HSPA14: variants seen among roughly 807,000 people sequenced by gnomAD.
The protein encoded by HSPA14 is heat shock 70 kDa protein 14.
Under a neutral mutation model 65.5 loss-of-function variants are expected in HSPA14, and 37 were observed. That is an observed-to-expected ratio of 0.56 (90% CI 0.43 to 0.74). The LOEUF (loss-of-function observed/expected upper bound fraction) is 0.74. HSPA14 is among the 30% of genes least tolerant of loss of function. The probability of loss-of-function intolerance (pLI) is 0.00; values close to 1 mark genes in which losing one functional copy is unlikely to be tolerated. For missense variants in HSPA14, 564 were observed against 607.6 expected, an observed-to-expected ratio of 0.93 and a Z score of 0.75; for synonymous variants, 203 against 214.2, an observed-to-expected ratio of 0.95 and a Z score of 0.46.
chr10:14,861,884 C>T (rs1202033575), intron 10 of HSPA14, among the ~76,000 whole-genome samples: 9 of 151,486 alleles, frequency 5.9e-5, no homozygotes, highest in African/African-American at 1.2e-4. Flanking sequence ...TGATGGTGCG[C>T]GCCTGTAGTC....
rs1437940175 is a variant in HSPA14, at chr10:14,848,828, T to C, written c.309T>C (p.Asp103=). The part of the protein sequence containing the change: ...EKNGKLRYEI[D]TGEETKFVNP... The stretch of plus-strand genomic sequence containing the variant: ...ATGGGAAATTACGATATGAAATAGA[T>C]ACTGGAGAAGAAACAAAATTTGTTA... Residue 103 remains aspartate, a synonymous_variant, in exon 5 of 14, where the codon GAT becomes GAC. Coordinates refer to ENST00000378372, the MANE Select transcript of HSPA14 (RefSeq NM_016299.4). 4 of 1,592,718 alleles carry C rather than the reference T, an allele frequency of 2.5e-6. No homozygotes were observed. The highest frequency in any genetic ancestry group is 3.4e-6 in the Non-Finnish European group (4 of 1,164,432).
chr10:14,838,334 G>A lies in HSPA14; in HGVS notation c.-69G>A, dbSNP rs975454454. ...AAGCTCCGCGGTGCCTGATGGGGCCGTTGGGCGGCCGGTAGCTGTTGCTGT... is the reference window on the plus strand; with the variant it reads ...AAGCTCCGCGGTGCCTGATGGGGCCATTGGGCGGCCGGTAGCTGTTGCTGT... On this transcript the variant is annotated 5_prime_UTR_variant, in exon 1 of 14. Coordinates refer to ENST00000378372, the MANE Select transcript of HSPA14 (RefSeq NM_016299.4). The A allele has an allele frequency of 7.4e-6, 11 of 1,492,648 alleles. No homozygotes were observed. The highest frequency in any genetic ancestry group is 5.8e-5 in the Admixed American group (3 of 51,354). The allele number at this position is 1,492,648 out of a possible 1,614,324, so 92.5% of individuals were successfully genotyped here. A position where few individuals can be genotyped will look rare whatever the true frequency, so the allele number is the denominator to read the frequency against.
chr10:14,840,041 A>AAC, intron 2 of HSPA14, 34 bp from the exon 3 acceptor site: 2 of 1,194,512 alleles, frequency 1.7e-6, no homozygotes, highest in Non-Finnish European at 2.3e-6. Flanking sequence ...CATACATTGT[A>AAC]ATATATATAT....
Position 14,871,708 on chromosome 10 carries a change from A to G in HSPA14, c.*102A>G, listed in dbSNP as rs1832856176. On this transcript the variant is annotated 3_prime_UTR_variant, in exon 14 of 14. Transcript: ENST00000378372. ...AAATACTTTTTCAATGAACTGTATA[A>G]ACTATGTTTTATTAAACTACAATAT... 1.7e-6 allele frequency: 1 copy of G among 590,970 alleles called. No homozygotes were observed. Among genetic ancestry groups the G allele is most frequent in the African/African-American group, 1.9e-5 (1 of 51,680 alleles). The allele number at this position is 590,970 out of a possible 1,614,324, so 36.6% of individuals were successfully genotyped here.
intron 9 of HSPA14, among the ~76,000 whole-genome samples, chr10:14,855,176 C>CA (rs1022363167): frequency 6.6e-6 from 1 of 152,032 alleles, no homozygotes; most frequent in Non-Finnish European, 1.5e-5. Flanking sequence ...GCCTTTGTCA[C>CA]AAAGATTTCA....
chr10:14,842,586 G>A lies in HSPA14; in HGVS notation c.221+2429G>A, dbSNP rs1031806095. 2.1e-5 allele frequency: 33 copies of A among 1,536,146 alleles called. No homozygotes were observed. In the East Asian group the frequency reaches 3.2e-4, roughly 15 times the overall value. On this transcript the variant is annotated intron_variant, in intron 3 of 13. Coordinates refer to ENST00000378372, the MANE Select transcript of HSPA14 (RefSeq NM_016299.4). This position sits in a 1 kb window ranked among gnomAD's most constrained non-coding sequence, Gnocchi z 5.2. ...TATGATACGTTGGATCAGCTTCTCC[G>A]AAATCAGATAGTGACTGACCCAGAC...
Position 14,843,230 on chromosome 10 carries a change from A to G in HSPA14, c.221+3073A>G. On this transcript the variant is annotated intron_variant, in intron 3 of 13. Coordinates refer to ENST00000378372, the MANE Select transcript of HSPA14 (RefSeq NM_016299.4). ...GGTCACAATTGTCCAGATTAAGGAA[A>G]TGGATTCTTCCCAGTCCCTGGTGGA... is the stretch of plus-strand genomic sequence containing the variant. The G allele has an allele frequency of 3.8e-6, 4 of 1,056,984 alleles. No individual in the cohort carries two copies. The South Asian group carries it at 4.6e-5, about 12-fold the overall frequency. 65.5% of individuals were successfully genotyped at this position (1,056,984 alleles called of 1,614,324 possible). A position where few individuals can be genotyped will look rare whatever the true frequency, so the allele number is the denominator to read the frequency against.
At chr10:14,843,100 TTAA>T (rs375683378) in intron 3 of HSPA14, among the ~76,000 whole-genome samples, 1 of 152,224 alleles carries the variant, frequency 6.6e-6, no homozygotes, top group African/African-American at 2.4e-5. Context: ...TCTGGCATTA[TTAA>T]TAACTGGTAG....
At chr10:14,864,480 C>A (rs999412171) in intron 10 of HSPA14, among the ~76,000 whole-genome samples, 4 of 151,936 alleles carry the variant, frequency 2.6e-5, no homozygotes, top group Admixed American at 1.3e-4. Context: ...ATCCCTCCCC[C>A]CTACCCCCAC....
At chr10:14,861,152 A>G (rs1311079846) in intron 10 of HSPA14, among the ~76,000 whole-genome samples, 1 of 152,092 alleles carries the variant, frequency 6.6e-6, no homozygotes, top group Non-Finnish European at 1.5e-5. Flanking sequence ...CAGGTTTAAT[A>G]TTGAATTGAT....
intron 10 of HSPA14, 46 bp from the exon 11 acceptor site, chr10:14,867,037 G>T (rs766510151): frequency 7.3e-7 from 1 of 1,369,570 alleles, no homozygotes; most frequent in Non-Finnish European, 1.0e-6. Flanking sequence ...TTGAGACACA[G>T]CATTCTTCTA....
intron 3 of HSPA14, chr10:14,847,023 GTGA>G (rs1834064423): frequency 2.0e-6 from 2 of 985,366 alleles, no homozygotes; most frequent in South Asian, 4.7e-5. Flanking sequence ...CCACTACTTT[GTGA>G]TGATGTCTGT....
At position 14,871,637 on chromosome 10, in the gene HSPA14, C is replaced by G. The variant is rs751457949; in HGVS notation, c.*31C>G. The G allele has an allele frequency of 1.7e-6, 2 of 1,167,862 alleles. No individual in the cohort carries two copies. Among genetic ancestry groups the G allele is most frequent in the East Asian group, 2.4e-5 (1 of 42,358 alleles). The allele number at this position is 1,167,862 out of a possible 1,614,324, so 72.3% of individuals were successfully genotyped here. The stretch of plus-strand genomic sequence containing the variant: ...TAGAGAAATCAAGAATTTTTAAAAA[C>G]AAGAATATCAACATTTGGTTTTGTG... On this transcript the variant is annotated 3_prime_UTR_variant, in exon 14 of 14. Transcript: ENST00000378372.
intron 8 of HSPA14, 146 bp from the exon 9 acceptor site, chr10:14,853,979 C>G: frequency 1.6e-6 from 1 of 640,842 alleles, no homozygotes; most frequent in South Asian, 2.6e-5. Flanking sequence ...CTCAGCCTCC[C>G]AAAGTTGGGA....
chr10:14,840,546 A>G (rs1200477929), intron 3 of HSPA14, among the ~76,000 whole-genome samples: 3 of 152,218 alleles, frequency 2.0e-5, no homozygotes, highest in Non-Finnish European at 4.4e-5. Flanking sequence ...TGTAGACACT[A>G]TTGATTTTCT....
intron 10 of HSPA14, among the ~76,000 whole-genome samples, chr10:14,861,975 G>A (rs1832753442): frequency 6.7e-6 from 1 of 150,186 alleles, no homozygotes; most frequent in African/African-American, 2.4e-5. Context: ...TCACGCCATT[G>A]CACTCCAGCC....
chr10:14,842,874 G>A lies in HSPA14; in HGVS notation c.221+2717G>A, dbSNP rs1488122887. 2.1e-6 allele frequency: 3 copies of A among 1,428,950 alleles called. No individual in the cohort carries two copies. Among genetic ancestry groups the A allele is most frequent in the Admixed American group, 4.4e-5 (2 of 45,704 alleles). The allele number at this position is 1,428,950 out of a possible 1,614,324, so 88.5% of individuals were successfully genotyped here. A position where few individuals can be genotyped will look rare whatever the true frequency, so the allele number is the denominator to read the frequency against. ...AACTCCCAAGCATGTGAAGGAGTTG[G>A]GTCCCAGAGTCTTGTGGCTCTAAAC... On this transcript the variant is annotated intron_variant, in intron 3 of 13. Transcript: ENST00000378372. This position sits in a 1 kb window ranked among gnomAD's most constrained non-coding sequence, Gnocchi z 5.2.
At chr10:14,850,504 C>T (rs925952453) in intron 6 of HSPA14, among the ~76,000 whole-genome samples, 2 of 152,200 alleles carry the variant, frequency 1.3e-5, no homozygotes, top group Non-Finnish European at 1.5e-5. Flanking sequence ...TTTTACAGGT[C>T]ATTATGCAAA....
chr10:14,848,771 A>G lies in HSPA14; in HGVS notation c.271-19A>G. On this transcript the variant is annotated intron_variant, in intron 4 of 13. Transcript: ENST00000378372. ...TATTAAAAATTATTTATTTAGCATA[A>G]TTGTAATTTATTTTATAGGTCATTG... The G allele has an allele frequency of 1.4e-6, 2 of 1,456,110 alleles. No individual in the cohort carries two copies. The highest frequency in any genetic ancestry group is 1.9e-6 in the Non-Finnish European group (2 of 1,055,038). 90.2% of individuals were successfully genotyped at this position (1,456,110 alleles called of 1,614,324 possible). A position where few individuals can be genotyped will look rare whatever the true frequency, so the allele number is the denominator to read the frequency against.
Sources: allele counts gnomAD v4.1 joint callset (sites outside exome capture counted in the v4.1 genomes callset), GRCh38; gene constraint gnomAD v4.1.1; non-coding constraint Gnocchi (gnomAD v3.1); transcripts MANE v1.5; gene names NCBI Gene and HGNC (gene_info 2026-07-23, HGNC 2026-07-21).